The following ZMYND8 variants were observed in gnomAD, a reference collection of about 807,000 sequenced individuals.
ZMYND8 encodes MYND-type zinc finger-containing chromatin reader ZMYND8.
In ZMYND8, 37 loss-of-function variants were observed where a neutral mutation model predicts 140.8. That is an observed-to-expected ratio of 0.26 (90% CI 0.20 to 0.35). The LOEUF (loss-of-function observed/expected upper bound fraction) is 0.35, where lower values mean the gene tolerates loss of function less well. Ranked by LOEUF, ZMYND8 falls within the 10% of genes least tolerant of loss-of-function variation. ZMYND8 has a pLI of 1.00. For synonymous variants in ZMYND8, 592 were observed against 597.1 expected (o/e 0.99, Z 0.12); for missense variants, 1,068 against 1,570.0 (o/e 0.68, Z 5.40).
chr20:47,241,163 T>C (rs1185040057), intron 14 of ZMYND8, among the ~76,000 whole-genome samples: 1 of 151,378 alleles, frequency 6.6e-6, no homozygotes, highest in Non-Finnish European at 1.5e-5. Context: ...GGCATGGTGG[T>C]GTGTGCCTAT....
intron 7 of ZMYND8, among the ~76,000 whole-genome samples, chr20:47,287,846 ACACACG>A: frequency 1.0e-5 from 1 of 96,806 alleles, no homozygotes. Flanking sequence ...CAACACACAC[ACACACG>A]CACACACGCA....
In ZMYND8 at chr20:47,220,308, C is replaced by A; in HGVS notation, c.3434G>T (p.Gly1145Val). The change falls in exon 21 of 23, where the codon GGC becomes GTC. Residue 1145 changes from glycine (G) to valine (V), a missense_variant. Physicochemically the swap from Gly to Val is moderately radical, Grantham distance 109. Around this residue, in one of 10 missense-constraint regions of ZMYND8, gnomAD observed 180 missense variants for 187.8 expected, o/e 0.96. Transcript: ENST00000471951. ...AATGGAGGAGGGCGTCTCTCTGGAG[C>A]CAGAAAGGTCAAGGGTCTAGAAATA... ...KESGSTLDLS[G>V]SRETPSSILL... The A allele has an allele frequency of 6.4e-7, 1 of 1,561,666 alleles. No individual in the cohort carries two copies. Among genetic ancestry groups the A allele is most frequent in the East Asian group, 2.4e-5 (1 of 41,844 alleles).
Position 47,224,536 on chromosome 20 carries a change from G to T in ZMYND8, c.3037C>A (p.Arg1013=), listed in dbSNP as rs541703317. The change falls in exon 19 of 23, where the codon CGG becomes AGG. Residue 1013 remains arginine, a synonymous_variant. Transcript: ENST00000471951. ...TCCCGCTCCTGCTCCAGGCTCTGCC[G>T]CATCTCCGCCATGGTCAGCTCTGGT... The part of the protein sequence containing the change: ...HNLELTMAEM[R]QSLEQERDRL... The T allele has an allele frequency of 9.3e-6, 15 of 1,613,436 alleles. No individual in the cohort carries two copies. The highest frequency in any genetic ancestry group is 9.3e-6 in the Non-Finnish European group (11 of 1,180,046).
At chr20:47,258,951 G>A (rs1177114597) in intron 12 of ZMYND8, among the ~76,000 whole-genome samples, 2 of 151,896 alleles carry the variant, frequency 1.3e-5, no homozygotes, top group Non-Finnish European at 1.5e-5. Context: ...GTCCTGAACC[G>A]GAAGAGCTGC....
intron 2 of ZMYND8, among the ~76,000 whole-genome samples, chr20:47,337,509 T>C (rs1403674348): frequency 1.3e-5 from 2 of 151,686 alleles, no homozygotes; most frequent in South Asian, 2.1e-4. Context: ...ATATAATTAA[T>C]AAATAAATAA....
At chr20:47,253,521 A>C (rs1307919321) in intron 12 of ZMYND8, among the ~76,000 whole-genome samples, 1 of 144,310 alleles carries the variant, frequency 6.9e-6, no homozygotes, top group African/African-American at 2.7e-5. Flanking sequence ...TGGGCAACAG[A>C]ATGAGACTCC....
At chr20:47,296,679 G>A (rs143150929) in intron 4 of ZMYND8, among the ~76,000 whole-genome samples, 1 of 152,252 alleles carries the variant, frequency 6.6e-6, no homozygotes, top group African/African-American at 2.4e-5. Context: ...TTGTTGGCCG[G>A]GCACAGTGGC....
intron 6 of ZMYND8, among the ~76,000 whole-genome samples, chr20:47,291,554 G>A (rs780943274): frequency 1.7e-4 from 26 of 152,166 alleles, no homozygotes; most frequent in Admixed American, 7.9e-4. Context: ...TAAAAAGCTA[G>A]AATCATCGCA....
At chr20:47,325,111 G>C (rs756132199) in intron 2 of ZMYND8, among the ~76,000 whole-genome samples, 1 of 152,078 alleles carries the variant, frequency 6.6e-6, no homozygotes, top group Non-Finnish European at 1.5e-5. Flanking sequence ...CACCATGTTT[G>C]CCAGGCTGCT....
Position 47,209,531 on chromosome 20 carries a change from T to G in ZMYND8, c.*1230A>C, listed in dbSNP as rs142599250. The G allele has an allele frequency of 6.6e-6, 1 of 152,276 alleles. No homozygotes were observed. Among genetic ancestry groups the G allele is most frequent in the African/African-American group, 2.4e-5 (1 of 41,550 alleles). The allele number at this position is 152,276 out of a possible 1,614,324, so 9.4% of individuals were successfully genotyped here. A position where few individuals can be genotyped will look rare whatever the true frequency, so the allele number is the denominator to read the frequency against. On this transcript the variant is annotated 3_prime_UTR_variant, in exon 23 of 23. Coordinates refer to ENST00000471951, the MANE Select transcript of ZMYND8 (RefSeq NM_001281775.3). Reference sequence around the variant, plus strand: ...TCTTCTAATACTCTCTTATTTCTTCTCTAATATGGGTAACTAGCTGGAAAC... The same window carrying G: ...TCTTCTAATACTCTCTTATTTCTTCGCTAATATGGGTAACTAGCTGGAAAC...
In ZMYND8 at chr20:47,227,264, G is replaced by T. The variant is rs1215749329; in HGVS notation, c.2955C>A (p.Ile985=). 6.2e-7 allele frequency: 1 copy of T among 1,614,132 alleles called. No individual in the cohort carries two copies. Among genetic ancestry groups the T allele is most frequent in the Non-Finnish European group, 8.5e-7 (1 of 1,180,020 alleles). The change falls in exon 18 of 23, where the codon ATC becomes ATA. Residue 985 remains isoleucine, a synonymous_variant. Coordinates refer to ENST00000471951, the MANE Select transcript of ZMYND8 (RefSeq NM_001281775.3). The part of the protein sequence containing the change: ...STIAEIRRLR[I]EIEKLQWLHQ... ...GCAGCCACTGGAGCTTCTCTATCTCGATCCTCAGCCTGCGAATCTGGAAGA... is the reference window on the plus strand; with the variant it reads ...GCAGCCACTGGAGCTTCTCTATCTCTATCCTCAGCCTGCGAATCTGGAAGA...
intron 21 of ZMYND8, 117 bp from the exon 22 acceptor site, chr20:47,212,842 C>T (rs2035484498): frequency 1.2e-6 from 1 of 865,064 alleles, no homozygotes; most frequent in South Asian, 1.8e-5. Flanking sequence ...CCAGTTGGCA[C>T]CTTCATTCAT....
rs1041011246 is a variant in ZMYND8 at position 47,289,491 on chromosome 20, G to A, written c.748+696C>T. Reference sequence around the variant, plus strand: ...AAGAGAAAGAAAAACCTATGTCCATGCAAAGACTTGCACAAGCAGGTTCAC... The same window carrying A: ...AAGAGAAAGAAAAACCTATGTCCATACAAAGACTTGCACAAGCAGGTTCAC... On this transcript the variant is annotated intron_variant, in intron 7 of 22. Coordinates refer to ENST00000471951, the MANE Select transcript of ZMYND8 (RefSeq NM_001281775.3). 6.6e-5 allele frequency among the ~76,000 whole-genome samples: 10 copies of A among 152,258 alleles called. No homozygotes were observed. In the East Asian group the frequency reaches 1.9e-3, roughly 29 times the overall value.
At chr20:47,272,727 TA>T (rs908670403) in intron 11 of ZMYND8, among the ~76,000 whole-genome samples, 13 of 152,230 alleles carry the variant, frequency 8.5e-5, no homozygotes, top group Admixed American at 7.9e-4. Context: ...TCCAATCTTC[TA>T]AACAAAAACA....
chr20:47,309,782 A>T (rs1601801551), intron 3 of ZMYND8, among the ~76,000 whole-genome samples: 2 of 151,712 alleles, frequency 1.3e-5, no homozygotes, highest in Admixed American at 1.3e-4. Flanking sequence ...AAAAAAAAAT[A>T]CAAATACAAG....
chr20:47,322,108 G>A (rs1233032615), intron 2 of ZMYND8, among the ~76,000 whole-genome samples: 2 of 151,986 alleles, frequency 1.3e-5, no homozygotes, highest in Non-Finnish European at 2.9e-5. Context: ...CAATCCCTCT[G>A]CCTCAGCCGC....
intron 13 of ZMYND8, among the ~76,000 whole-genome samples, chr20:47,248,233 G>A (rs2073889994): frequency 6.6e-6 from 1 of 152,188 alleles, no homozygotes; most frequent in African/African-American, 2.4e-5. Context: ...TTAGCATAGT[G>A]TCCAAGGAAA....
chr20:47,320,283 G>A (rs1267498357), intron 2 of ZMYND8: 1 of 152,210 alleles, frequency 6.6e-6, no homozygotes, highest in East Asian at 1.9e-4. Context: ...ATCTCTAAAA[G>A]CCACCTAAAG....
At chr20:47,348,053 G>T (rs571212802) in intron 1 of ZMYND8, 127 bp from the exon 2 acceptor site, 3 of 894,912 alleles carry the variant, frequency 3.4e-6, no homozygotes, top group South Asian at 2.7e-5. Context: ...CAGGGCTGGG[G>T]GAGGAAACCC....
Sources: allele counts gnomAD v4.1 joint callset (sites outside exome capture counted in the v4.1 genomes callset), GRCh38; gene constraint gnomAD v4.1.1; regional missense constraint gnomAD v4.1.1; transcripts MANE v1.5; gene names NCBI Gene and HGNC (gene_info 2026-07-23, HGNC 2026-07-21).